Variants in NMT2 observed in about 807,000 individuals in gnomAD.
The protein encoded by NMT2 is glycylpeptide N-tetradecanoyltransferase 2.
NMT2 carries 35 observed loss-of-function variants against 65.4 expected under a neutral mutation model. The ratio of observed to expected loss-of-function variants is 0.54; its 90% CI spans 0.41 to 0.71. NMT2 has a LOEUF of 0.71. Ranked by LOEUF, NMT2 falls within the 30% of genes least tolerant of loss-of-function variation. The pLI is 0.00. For synonymous variants in NMT2, 226 were observed against 231.8 expected, an observed-to-expected ratio of 0.98 and a Z score of 0.23; for missense variants, 489 against 611.3, an observed-to-expected ratio of 0.80 and a Z score of 2.11.
chr10:15,119,210 C>T (rs1338306790), intron 9 of NMT2, 133 bp downstream of exon 9: 1 of 795,560 alleles, frequency 1.3e-6, no homozygotes, highest in Non-Finnish European at 2.1e-6. Context: ...CTTATTAACT[C>T]TCTACCCTTT....
intron 1 of NMT2, among the ~76,000 whole-genome samples, chr10:15,164,870 A>G (rs370136347): frequency 4.7e-4 from 72 of 152,204 alleles, no homozygotes; most frequent in African/African-American, 1.6e-3. Context: ...CATCTCTACT[A>G]AAAATACAAA....
chr10:15,108,855 C>A lies in NMT2; in HGVS notation c.*340G>T. Reference sequence around the variant, plus strand: ...CAATAGCAAAGATTTTCTTACATGACTCTGTAACTTCTACTTAGTCCATAG... The same window carrying A: ...CAATAGCAAAGATTTTCTTACATGAATCTGTAACTTCTACTTAGTCCATAG... On this transcript the variant is annotated 3_prime_UTR_variant, in exon 12 of 12. Transcript: ENST00000378165. 9.2e-7 allele frequency: 1 copy of A among 1,082,986 alleles called. No homozygotes were observed. The allele number at this position is 1,082,986 out of a possible 1,614,324, so 67.1% of individuals were successfully genotyped here. A position where few individuals can be genotyped will look rare whatever the true frequency, so the allele number is the denominator to read the frequency against.
chr10:15,150,856 G>A (rs1018652081), intron 1 of NMT2, among the ~76,000 whole-genome samples: 7 of 152,142 alleles, frequency 4.6e-5, no homozygotes, highest in African/African-American at 1.7e-4. Flanking sequence ...CAATACAAGC[G>A]TGGCTGGAAG....
intron 2 of NMT2, among the ~76,000 whole-genome samples, chr10:15,137,938 T>A (rs747299605): frequency 6.6e-6 from 1 of 152,056 alleles, no homozygotes; most frequent in Non-Finnish European, 1.5e-5. Context: ...CTACATGAAA[T>A]GTCCCTTTGC....
At chr10:15,122,107 G>A (rs773554022) in intron 8 of NMT2, among the ~76,000 whole-genome samples, 1 of 152,154 alleles carries the variant, frequency 6.6e-6, no homozygotes, top group South Asian at 2.1e-4. Context: ...CTATGAGGCA[G>A]ACTTAGCTTG....
At chr10:15,113,463 C>CAA (rs1169255963) in intron 9 of NMT2, among the ~76,000 whole-genome samples, 4,082 of 36,908 alleles carry the variant, frequency 0.11, 726 homozygotes, top group African/African-American at 0.25. Flanking sequence ...GGATGAGACT[C>CAA]AAAAAAAAAA....
At chr10:15,118,747 T>G (rs1165277566) in intron 9 of NMT2, among the ~76,000 whole-genome samples, 1 of 152,218 alleles carries the variant, frequency 6.6e-6, no homozygotes, top group Non-Finnish European at 1.5e-5. Flanking sequence ...AAATTTAAAA[T>G]CTGACCATAC....
chr10:15,109,127 G>T lies in NMT2; in HGVS notation c.*68C>A. On this transcript the variant is annotated 3_prime_UTR_variant, in exon 12 of 12. Transcript: ENST00000378165. ...TTGTGCTTTTATTCTTCTTTGGAATGGCAGTTCCAGAAATCATTAAATATT... is the reference window on the plus strand; with the variant it reads ...TTGTGCTTTTATTCTTCTTTGGAATTGCAGTTCCAGAAATCATTAAATATT... 6.3e-7 allele frequency: 1 copy of T among 1,584,572 alleles called. No homozygotes were observed. Among genetic ancestry groups the T allele is most frequent in the South Asian group, 1.2e-5 (1 of 85,784 alleles).
At position 15,163,908 on chromosome 10, in the gene NMT2, G is replaced by A. The variant is rs190997667; in HGVS notation, c.110+4595C>T. 3.3e-3 allele frequency among the ~76,000 whole-genome samples: 501 copies of A among 152,236 alleles called. 4 individuals carry two copies. Among genetic ancestry groups the A allele is most frequent in the Middle Eastern group, 6.8e-3 (2 of 294 alleles). On this transcript the variant is annotated intron_variant, in intron 1 of 11. Coordinates refer to ENST00000378165, the MANE Select transcript of NMT2 (RefSeq NM_004808.3). Reference sequence around the variant, plus strand: ...CTTAAAAACGTCTTAGGCCGGGGACGGTGGCTCACGCCTGTAATCCCAGCA... The same window carrying A: ...CTTAAAAACGTCTTAGGCCGGGGACAGTGGCTCACGCCTGTAATCCCAGCA...
chr10:15,168,662 C>T lies in NMT2; in HGVS notation c.-50G>A. On this transcript the variant is annotated 5_prime_UTR_variant, in exon 1 of 12. Transcript: ENST00000378165. ...GGTGCTCGGGGCCGGGCCGGAGCGG[C>T]CGCAGCTCCCTCTAGTGCCTCCCGC... 10 of 1,432,088 alleles carry T rather than the reference C, an allele frequency of 7.0e-6. No individual in the cohort carries two copies. Among genetic ancestry groups the T allele is most frequent in the Non-Finnish European group, 9.5e-6 (10 of 1,056,090 alleles). The allele number at this position is 1,432,088 out of a possible 1,614,324, so 88.7% of individuals were successfully genotyped here. A position where few individuals can be genotyped will look rare whatever the true frequency, so the allele number is the denominator to read the frequency against.
chr10:15,161,099 A>AC (rs1833177862), intron 1 of NMT2, among the ~76,000 whole-genome samples: 2 of 149,608 alleles, frequency 1.3e-5, no homozygotes, highest in African/African-American at 2.4e-5. Context: ...AAAAAAAAAA[A>AC]AAAAAAAAAA....
intron 9 of NMT2, 77 bp downstream of exon 9, chr10:15,119,266 G>T: frequency 2.4e-6 from 3 of 1,232,712 alleles, no homozygotes; most frequent in African/African-American, 1.5e-5. Flanking sequence ...AAGGAAGTGT[G>T]TGTAAATAAT....
At position 15,107,528 on chromosome 10, in the gene NMT2, C is replaced by A. The variant is rs777608584; in HGVS notation, c.*1667G>T. 11 of 796,316 alleles carry A rather than the reference C, an allele frequency of 1.4e-5. No homozygotes were observed. The highest frequency in any genetic ancestry group is 1.7e-5 in the Non-Finnish European group (11 of 657,634). 49.3% of individuals were successfully genotyped at this position (796,316 alleles called of 1,614,324 possible). ...AGTGCAGTGGCACGATCTTGGCTCA[C>A]TGCAACTTCCGCCTCCTGGGTTCAA... On this transcript the variant is annotated 3_prime_UTR_variant, in exon 12 of 12. Coordinates refer to ENST00000378165, the MANE Select transcript of NMT2 (RefSeq NM_004808.3).
chr10:15,129,405 T>C (rs1846198893), intron 7 of NMT2, among the ~76,000 whole-genome samples: 1 of 152,254 alleles, frequency 6.6e-6, no homozygotes, highest in African/African-American at 2.4e-5. Context: ...GATCATTTTC[T>C]CACTGGAATA....
intron 3 of NMT2, among the ~76,000 whole-genome samples, chr10:15,134,046 G>A (rs972140476): frequency 4.6e-5 from 7 of 152,202 alleles, no homozygotes; most frequent in Non-Finnish European, 7.3e-5. Flanking sequence ...CTTGGGAGGT[G>A]TGTTCTTTTT....
chr10:15,155,335 G>A (rs1832958541), intron 1 of NMT2: 1 of 1,044,890 alleles, frequency 9.6e-7, no homozygotes, highest in East Asian at 2.4e-5. Context: ...GGTAGTACAG[G>A]GCTCCTGGTG....
chr10:15,125,008 T>C (rs1846032785), intron 8 of NMT2, among the ~76,000 whole-genome samples: 2 of 152,024 alleles, frequency 1.3e-5, no homozygotes, highest in African/African-American at 4.8e-5. Context: ...TAGTGGGTAA[T>C]GTTAGAGGGG....
intron 6 of NMT2, among the ~76,000 whole-genome samples, chr10:15,130,703 C>CAAAAAAA (rs974360507): frequency 7.4e-4 from 21 of 28,562 alleles, no homozygotes; most frequent in African/African-American, 1.2e-3. Context: ...GGCCCTGTCT[C>CAAAAAAA]AAAAAAAAAA....
chr10:15,132,964 C>T (rs755405765), intron 5 of NMT2, 31 bp from the exon 6 acceptor site: 40 of 1,598,300 alleles, frequency 2.5e-5, no homozygotes, highest in Non-Finnish European at 3.3e-5. Flanking sequence ...AAAACAGGCA[C>T]CAGTTATTGT....
Sources: gnomAD v4.1 joint callset for allele counts (sites outside exome capture counted in the v4.1 genomes callset) on GRCh38, gnomAD v4.1.1 for gene constraint, MANE v1.5 for transcripts, NCBI Gene and HGNC (gene_info 2026-07-23, HGNC 2026-07-21) for gene names.